The following ZNF469 variants were observed in gnomAD, a reference collection of about 807,000 sequenced individuals.
ZNF469 encodes the protein zinc finger protein 469.
In ZNF469, 1 loss-of-function variant was observed where a neutral mutation model predicts 1.0. That is an observed-to-expected ratio of 1.00 (90% CI 0.35 to 4.73). The LOEUF (loss-of-function observed/expected upper bound fraction) is 4.73, where lower values mean the gene tolerates loss of function less well. Among genes scored for constraint, ZNF469 ranks in the 30% most tolerant of loss-of-function variants. ZNF469 has a pLI of 0.16. For missense variants in ZNF469, 6,100 were observed against 5,356.3 expected, an observed-to-expected ratio of 1.14 and a Z score of -4.33; for synonymous variants, 2,703 against 2,363.4, an observed-to-expected ratio of 1.14 and a Z score of -4.17.
At chr16:88,128,469 C>T in the ZNF469 span, among the ~76,000 whole-genome samples, 2 of 152,202 alleles carry the variant, frequency 1.3e-5, no homozygotes. Context: ...TACAATCGAT[C>T]CTCCATGAAG....
the ZNF469 span, among the ~76,000 whole-genome samples, chr16:88,232,315 T>C: frequency 2.2e-3 from 340 of 152,232 alleles, 1 homozygote; most frequent in Non-Finnish European, 1.6e-3. Flanking sequence ...ACACAGATTT[T>C]AAAAACCTCC....
chr16:88,135,324 A>G, the ZNF469 span, among the ~76,000 whole-genome samples: 1 of 152,224 alleles, frequency 6.6e-6, no homozygotes, highest in African/African-American at 2.4e-5. Flanking sequence ...CTACTGCTCA[A>G]TGTTTGGAAT....
At chr16:88,296,805 G>A in the ZNF469 span, among the ~76,000 whole-genome samples, 2 of 152,060 alleles carry the variant, frequency 1.3e-5, no homozygotes, top group African/African-American at 4.8e-5. Flanking sequence ...ACATGGTAGT[G>A]CACACACATG....
At chr16:88,239,747 A>G in the ZNF469 span, among the ~76,000 whole-genome samples, 1 of 104,762 alleles carries the variant, frequency 9.5e-6, no homozygotes, top group African/African-American at 3.8e-5. Flanking sequence ...TTTTTAGTAG[A>G]GACAGGGTTT....
chr16:88,169,113 G>C, the ZNF469 span, among the ~76,000 whole-genome samples: 1 of 152,152 alleles, frequency 6.6e-6, no homozygotes, highest in Admixed American at 6.5e-5. This position sits in a 1 kb window ranked among gnomAD's most constrained non-coding sequence, Gnocchi z 6.1. Context: ...CTGTGGGTGG[G>C]AGGGTCAGCT....
At chr16:88,397,047 C>CCCTCCTGAAGGG (rs1904703852) in intron 1 of ZNF469, among the ~76,000 whole-genome samples, 27 of 75,398 alleles carry the variant, frequency 3.6e-4, no homozygotes, top group Middle Eastern at 9.1e-3. Flanking sequence ...CTCATGAAGA[C>CCCTCCTGAAGGG]AGGCCGGGAG....
chr16:88,405,437 G>A (rs913126294), intron 1 of ZNF469, among the ~76,000 whole-genome samples: 1 of 152,156 alleles, frequency 6.6e-6, no homozygotes, highest in Admixed American at 6.5e-5. Context: ...GCCGACTGCT[G>A]CCACCCCTTG....
In ZNF469 at chr16:88,435,802, A is replaced by G; in HGVS notation, c.8332A>G (p.Ser2778Gly). Reference protein sequence around the residue: ...KESGSEPAEDSSRAHSRSEEG... With the variant: ...KESGSEPAEDGSRAHSRSEEG... ...GTCTGGGAGCGAGCCTGCGGAGGAC[A>G]GCAGCAGGGCCCACAGCCGATCAGA... Residue 2778 changes from serine to glycine, a missense_variant, in exon 3 of 3, where the codon AGC (serine) becomes GGC (glycine). Physicochemically the swap from Ser to Gly is moderately conservative, Grantham distance 56. Coordinates refer to ENST00000565624, the MANE Select transcript of ZNF469 (RefSeq NM_001367624.2). The G allele has an allele frequency of 6.4e-7, 1 of 1,550,580 alleles. No individual in the cohort carries two copies. Among genetic ancestry groups the G allele is most frequent in the Non-Finnish European group, 8.7e-7 (1 of 1,146,952 alleles).
At chr16:88,266,378 C>A in the ZNF469 span, among the ~76,000 whole-genome samples, 104 of 152,194 alleles carry the variant, frequency 6.8e-4, no homozygotes, top group Non-Finnish European at 9.3e-4. Flanking sequence ...GGTGTCAGGC[C>A]CCAGGCTCCA....
chr16:88,139,383 ACCTTTTTGCCCCTTGGCCTGGGG>A, the ZNF469 span, among the ~76,000 whole-genome samples: 1 of 150,990 alleles, frequency 6.6e-6, no homozygotes. Flanking sequence ...TGGATCCGAA[ACCTTTTTGCCCCTTGGCCTGGGG>A]ACGTGATGAG....
At chr16:88,384,944 A>G (rs1043475552) in intron 1 of ZNF469, among the ~76,000 whole-genome samples, 1 of 152,054 alleles carries the variant, frequency 6.6e-6, no homozygotes, top group Non-Finnish European at 1.5e-5. Flanking sequence ...CTGCAGTCCT[A>G]CCAGCTGGAA....
chr16:88,237,483 T>C, the ZNF469 span, among the ~76,000 whole-genome samples: 1 of 127,320 alleles, frequency 7.9e-6, no homozygotes, highest in African/African-American at 3.0e-5. Flanking sequence ...CCCTCCGTGC[T>C]CCTGCCACGC....
chr16:88,230,125 G>A, the ZNF469 span, among the ~76,000 whole-genome samples: 4 of 152,340 alleles, frequency 2.6e-5, no homozygotes, highest in Non-Finnish European at 5.9e-5. Flanking sequence ...CTGTTTCCAA[G>A]GTCCAGGTGT....
chr16:88,432,171 G>A lies in ZNF469; in HGVS notation c.4701G>A (p.Leu1567=), dbSNP rs1230751978. 6.5e-7 allele frequency: 1 copy of A among 1,550,224 alleles called. No homozygotes were observed. Among genetic ancestry groups the A allele is most frequent in the Non-Finnish European group, 8.7e-7 (1 of 1,146,994 alleles). ...LSEDELEIQK[L]VTELESQLQR... is the part of the protein sequence containing the mutation. ...AGGATGAACTGGAGATCCAGAAATT[G>A]GTCACCGAATTAGAAAGTCAGCTGC... The change falls in exon 3 of 3, where the codon TTG becomes TTA. Residue 1567 remains leucine, a synonymous_variant. Transcript: ENST00000565624.
the ZNF469 span, among the ~76,000 whole-genome samples, chr16:88,160,908 C>T: frequency 1.3e-5 from 2 of 152,158 alleles, no homozygotes; most frequent in African/African-American, 2.4e-5. Flanking sequence ...TTTGGGAGGC[C>T]GAGGTGGGCG....
the ZNF469 span, among the ~76,000 whole-genome samples, chr16:88,284,787 TG>T: frequency 5.9e-5 from 9 of 152,148 alleles, no homozygotes; most frequent in Non-Finnish European, 1.2e-4. Flanking sequence ...AGGAGGGCGA[TG>T]GGGCCTTGGT....
At position 88,436,263 on chromosome 16, in the gene ZNF469, C is replaced by G; in HGVS notation, c.8793C>G (p.Pro2931=). 6.5e-7 allele frequency: 1 copy of G among 1,549,916 alleles called. No individual in the cohort carries two copies. Among genetic ancestry groups the G allele is most frequent in the Non-Finnish European group, 8.7e-7 (1 of 1,146,886 alleles). ...CHEDPWEDED[P]AGLPESFLLD... ...AGGACCCGTGGGAGGACGAGGATCC[C>G]GCAGGTCTGCCCGAGTCCTTCCTCC... is the stretch of plus-strand genomic sequence containing the variant. Residue 2931 remains proline (P), a synonymous_variant, in exon 3 of 3, where the codon CCC becomes CCG. Coordinates refer to ENST00000565624, the MANE Select transcript of ZNF469 (RefSeq NM_001367624.2).
chr16:88,119,089 T>C, the ZNF469 span, among the ~76,000 whole-genome samples: 1 of 152,370 alleles, frequency 6.6e-6, no homozygotes, highest in Middle Eastern at 3.4e-3. Context: ...CTCGTAACTC[T>C]TGGGCTTGTT....
At chr16:88,227,394 C>G in the ZNF469 span, among the ~76,000 whole-genome samples, 1 of 152,154 alleles carries the variant, frequency 6.6e-6, no homozygotes. Flanking sequence ...GCCCCCACCC[C>G]TTCTCTCTGT....
Sources: gnomAD v4.1 joint callset for allele counts (sites outside exome capture counted in the v4.1 genomes callset) on GRCh38, gnomAD v4.1.1 for gene constraint, Gnocchi (gnomAD v3.1) non-coding constraint, MANE v1.5 for transcripts, NCBI Gene and HGNC (gene_info 2026-07-23, HGNC 2026-07-21) for gene names.